The following CERK variants were observed in gnomAD, a reference collection of about 807,000 sequenced individuals.
CERK encodes the protein acylsphingosine kinase.
CERK carries 39 observed loss-of-function variants against 63.4 expected under a neutral mutation model. The observed-to-expected ratio is 0.61, with a 90% CI of 0.48 to 0.80. CERK has a LOEUF of 0.80. Among genes scored for constraint, CERK ranks in the 30% least tolerant of loss-of-function variants. The probability of loss-of-function intolerance (pLI) is 0.00; values close to 1 mark genes in which losing one functional copy is unlikely to be tolerated. For missense variants in CERK, 670 were observed against 714.1 expected (o/e 0.94, Z 0.70); for synonymous variants, 302 against 280.0 (o/e 1.08, Z -0.78).
At chr22:46,712,320 A>C (rs779555835) in intron 3 of CERK, 27 bp from the exon 4 acceptor site, 1 of 1,607,716 alleles carries the variant, frequency 6.2e-7, no homozygotes, top group Non-Finnish European at 8.5e-7. Context: ...TGTAAATAAC[A>C]ACGAAAATAA....
At chr22:46,703,285 C>T (rs1425368990) in intron 6 of CERK, among the ~76,000 whole-genome samples, 2 of 152,168 alleles carry the variant, frequency 1.3e-5, no homozygotes, top group Non-Finnish European at 2.9e-5. Flanking sequence ...GTCCCGGAGG[C>T]AGCCATCCAC....
Position 46,693,478 on chromosome 22 carries a change from G to T in CERK, c.1075C>A (p.Gln359Lys). Residue 359 changes from glutamine to lysine, a missense_variant, in exon 10 of 13, where the codon CAG becomes AAG. By Grantham distance (53) the Gln-to-Lys change is moderately conservative (BLOSUM62 1). Coordinates refer to ENST00000216264, the MANE Select transcript of CERK (RefSeq NM_022766.6). The part of the protein sequence containing the change: ...AGCFVCRQSK[Q>K]QLEEEQKKAL... The stretch of plus-strand genomic sequence containing the variant: ...TTCTTCTGCTCCTCCTCCAGCTGCT[G>T]CTTGCTTTGCCTGCAAACAAAGCAT... 6.2e-7 allele frequency: 1 copy of T among 1,614,102 alleles called. No individual in the cohort carries two copies. Among genetic ancestry groups the T allele is most frequent in the Non-Finnish European group, 8.5e-7 (1 of 1,179,982 alleles).
intron 12 of CERK, 98 bp from the exon 13 acceptor site, chr22:46,687,304 G>A (rs1233053898): frequency 1.3e-5 from 6 of 469,296 alleles, no homozygotes; most frequent in South Asian, 7.6e-5. Flanking sequence ...AACCCCACGT[G>A]TCCCTCACTC....
intron 3 of CERK, among the ~76,000 whole-genome samples, chr22:46,719,409 C>T (rs2082881434): frequency 6.6e-6 from 1 of 152,112 alleles, no homozygotes; most frequent in South Asian, 2.1e-4. Flanking sequence ...TGGTGGCTCA[C>T]ACCTGTAATC....
At chr22:46,720,064 C>T (rs760476008) in intron 3 of CERK, 22 bp downstream of exon 3, 7 of 1,608,990 alleles carry the variant, frequency 4.4e-6, no homozygotes, top group Admixed American at 1.7e-5. Flanking sequence ...CATCCTGTCT[C>T]TCAGTCCAAA....
intron 6 of CERK, among the ~76,000 whole-genome samples, chr22:46,702,009 C>T (rs1017671120): frequency 5.9e-5 from 9 of 151,828 alleles, no homozygotes; most frequent in South Asian, 2.1e-4. Flanking sequence ...GGTGAAACTC[C>T]GACTCTACTA....
chr22:46,688,381 A>G (rs1303788849), intron 12 of CERK, among the ~76,000 whole-genome samples: 1 of 152,192 alleles, frequency 6.6e-6, no homozygotes, highest in East Asian at 1.9e-4. Flanking sequence ...AAATACATAC[A>G]CCAATATTAA....
chr22:46,719,956 C>A (rs2082883927), intron 3 of CERK, 130 bp downstream of exon 3: 1 of 1,246,528 alleles, frequency 8.0e-7, no homozygotes, highest in East Asian at 2.4e-5. Flanking sequence ...ATTAAGTCAG[C>A]CTGACTCATC....
At position 46,707,629 on chromosome 22, in the gene CERK, G is replaced by A. The variant is rs542808009; in HGVS notation, c.715+214C>T. ...TCCTGCCTTGCGTGAAGCAGCCTTTGGGGGAGTCGGGCAACTTTCCTTTCC... is the reference window on the plus strand; with the variant it reads ...TCCTGCCTTGCGTGAAGCAGCCTTTAGGGGAGTCGGGCAACTTTCCTTTCC... On this transcript the variant is annotated intron_variant, in intron 6 of 12. Coordinates refer to ENST00000216264, the MANE Select transcript of CERK (RefSeq NM_022766.6). Among the ~76,000 whole-genome samples, 16 of 152,344 alleles carry A rather than the reference G, an allele frequency of 1.1e-4. No homozygotes were observed. In the South Asian group the frequency reaches 3.3e-3, roughly 32 times the overall value.
chr22:46,734,069 T>C lies in CERK; in HGVS notation c.142+3938A>G, dbSNP rs527483526. 7.6e-3 allele frequency among the ~76,000 whole-genome samples: 365 copies of C among 47,780 alleles called. 4 individuals are homozygous for C. The highest frequency in any genetic ancestry group is 0.013 in the Non-Finnish European group (210 of 15,918). The allele number at this position is 47,780 out of a possible 152,430, so 31.3% of individuals were successfully genotyped here. A position where few individuals can be genotyped will look rare whatever the true frequency, so the allele number is the denominator to read the frequency against. ...AATATGTTATATATACATACATACA[T>C]ATATATATATATATATATACATTTT... On this transcript the variant is annotated intron_variant, in intron 1 of 12. Coordinates refer to ENST00000216264, the MANE Select transcript of CERK (RefSeq NM_022766.6).
chr22:46,692,033 AT>A (rs2146543180), intron 10 of CERK, among the ~76,000 whole-genome samples: 1 of 152,302 alleles, frequency 6.6e-6, no homozygotes, highest in South Asian at 2.1e-4. Context: ...CTTTTGGACA[AT>A]TTAGAACAAG....
chr22:46,694,190 C>T (rs768075646), intron 9 of CERK, among the ~76,000 whole-genome samples: 37 of 152,154 alleles, frequency 2.4e-4, no homozygotes, highest in Non-Finnish European at 5.3e-4. Flanking sequence ...GAGTGTCCTT[C>T]ACAAAGGCGC....
intron 8 of CERK, 35 bp from the exon 9 acceptor site, chr22:46,695,350 C>T (rs2082751000): frequency 3.3e-6 from 4 of 1,216,596 alleles, no homozygotes; most frequent in Non-Finnish European, 4.9e-6. Flanking sequence ...AAAACATCCA[C>T]AAGGGTCATT....
At chr22:46,706,245 A>G (rs1272713499) in intron 6 of CERK, among the ~76,000 whole-genome samples, 2 of 152,166 alleles carry the variant, frequency 1.3e-5, no homozygotes, top group Non-Finnish European at 2.9e-5. Flanking sequence ...CCTGTGGGGA[A>G]GACAGACATC....
chr22:46,729,851 A>G (rs1378805153), intron 1 of CERK, among the ~76,000 whole-genome samples: 1 of 152,018 alleles, frequency 6.6e-6, no homozygotes, highest in Non-Finnish European at 1.5e-5. Context: ...CATCCTGGCT[A>G]ACACGGTGAA....
rs147111237 is a variant in CERK, at chr22:46,731,796, C to T, written c.142+6211G>A. Among the ~76,000 whole-genome samples the T allele has an allele frequency of 2.2e-4, 33 of 152,226 alleles. No homozygotes were observed. In the East Asian group the frequency reaches 5.2e-3, roughly 24 times the overall value. On this transcript the variant is annotated intron_variant, in intron 1 of 12. Transcript: ENST00000216264. ...AAGCCAGGCCACAGGCACGCATGGG[C>T]GAGCAGTGCCTGGAAGAACTTTGTA...
chr22:46,693,311 C>T, intron 10 of CERK, 116 bp downstream of exon 10: 1 of 811,440 alleles, frequency 1.2e-6, no homozygotes, highest in Non-Finnish European at 2.1e-6. Flanking sequence ...TGGTGCCAGA[C>T]AGGAAAAAGG....
intron 1 of CERK, among the ~76,000 whole-genome samples, chr22:46,737,528 ACTT>A (rs2082980926): frequency 6.6e-6 from 1 of 152,178 alleles, no homozygotes; most frequent in Admixed American, 6.5e-5. Context: ...CCCTTCTTTA[ACTT>A]CTTAACAGGA....
rs151153803 is a variant in CERK at position 46,726,325 on chromosome 22, C to T, written c.143-5310G>A. On this transcript the variant is annotated intron_variant, in intron 1 of 12. Coordinates refer to ENST00000216264, the MANE Select transcript of CERK (RefSeq NM_022766.6). ...ATGCAAGCTGCCACGTGAGGACCGGCAGAGGGAACAGGGTGAGAGAGCAGG... is the reference window on the plus strand; with the variant it reads ...ATGCAAGCTGCCACGTGAGGACCGGTAGAGGGAACAGGGTGAGAGAGCAGG... 3.1e-3 allele frequency among the ~76,000 whole-genome samples: 468 copies of T among 152,366 alleles called. 1 individual carries two copies. Among genetic ancestry groups the T allele is most frequent in the South Asian group, 8.5e-3 (41 of 4,830 alleles).
Sources: gnomAD v4.1 joint callset for allele counts (sites outside exome capture counted in the v4.1 genomes callset) on GRCh38, gnomAD v4.1.1 for gene constraint, MANE v1.5 for transcripts, NCBI Gene and HGNC (gene_info 2026-07-23, HGNC 2026-07-21) for gene names.